Variants in VAV2 observed in about 807,000 individuals in gnomAD.
VAV2 encodes the protein vav guanine nucleotide exchange factor 2, also known as guanine nucleotide exchange factor VAV2.
Under a neutral mutation model 132.5 loss-of-function variants are expected in VAV2, and 67 were observed. The ratio of observed to expected loss-of-function variants is 0.51; its 90% CI spans 0.42 to 0.62. VAV2 has a LOEUF of 0.62. Ranked by LOEUF, VAV2 falls within the 20% of genes least tolerant of loss-of-function variation. The pLI is 0.00. For missense variants in VAV2, 938 were observed against 1,153.6 expected, an observed-to-expected ratio of 0.81 and a Z score of 2.71; for synonymous variants, 492 against 443.5, an observed-to-expected ratio of 1.11 and a Z score of -1.37.
intron 4 of VAV2, among the ~76,000 whole-genome samples, chr9:133,815,012 G>A (rs1278236710): frequency 2.0e-5 from 3 of 152,282 alleles, no homozygotes; most frequent in Non-Finnish European, 2.9e-5. Context: ...TACAGGATAC[G>A]ATCCACTGAT....
chr9:133,788,518 C>G lies in VAV2; in HGVS notation c.1275-32G>C. On this transcript the variant is annotated intron_variant, in intron 14 of 29. Transcript: ENST00000371850. The surrounding 1 kb of genome is among the most constrained non-coding windows in gnomAD (Gnocchi z 5.3). ...CAGGCAGCGCAGCGGGGGATCAGCA[C>G]CCCAGCACTGTGTGCTCTGCTCCGA... 1 of 1,588,882 alleles carries G rather than the reference C, an allele frequency of 6.3e-7. No individual in the cohort carries two copies. Among genetic ancestry groups the G allele is most frequent in the Non-Finnish European group, 8.6e-7 (1 of 1,159,858 alleles).
chr9:133,920,071 C>T (rs1294583026), intron 2 of VAV2, among the ~76,000 whole-genome samples: 1 of 152,200 alleles, frequency 6.6e-6, no homozygotes, highest in African/African-American at 2.4e-5. Context: ...GGGGAACTGA[C>T]AGGTACTCCC....
At chr9:133,985,352 G>A (rs561483086) in intron 1 of VAV2, among the ~76,000 whole-genome samples, 33 of 151,842 alleles carry the variant, frequency 2.2e-4, no homozygotes, top group Non-Finnish European at 4.3e-4. Context: ...CACAATCTCC[G>A]CTCACTGCAA....
chr9:133,936,206 C>T (rs1432564584), intron 2 of VAV2, among the ~76,000 whole-genome samples: 1 of 151,742 alleles, frequency 6.6e-6, no homozygotes, highest in African/African-American at 2.4e-5. Context: ...TGTGCTCAGC[C>T]ACCTGCTCTG....
At chr9:133,861,051 C>G (rs1338363347) in intron 3 of VAV2, among the ~76,000 whole-genome samples, 1 of 152,238 alleles carries the variant, frequency 6.6e-6, no homozygotes, top group Non-Finnish European at 1.5e-5. Context: ...GGCACAGCCC[C>G]CGGTTCTGAT....
intron 1 of VAV2, among the ~76,000 whole-genome samples, chr9:133,981,303 A>AC (rs1842685030): frequency 6.6e-6 from 1 of 151,484 alleles, no homozygotes; most frequent in African/African-American, 2.4e-5. Flanking sequence ...CCACGACCAC[A>AC]CCCCCCACTA....
chr9:133,967,572 T>C (rs1477195250), intron 1 of VAV2, among the ~76,000 whole-genome samples: 1 of 152,136 alleles, frequency 6.6e-6, no homozygotes, highest in Non-Finnish European at 1.5e-5. Context: ...TAAAATCCTG[T>C]CATTGCAGCA....
intron 25 of VAV2, among the ~76,000 whole-genome samples, chr9:133,773,872 C>A (rs1040120391): frequency 6.6e-6 from 1 of 152,178 alleles, no homozygotes; most frequent in African/African-American, 2.4e-5. Flanking sequence ...TTGTCCTATG[C>A]TTCTATATGA....
At chr9:133,838,747 A>G in intron 3 of VAV2, among the ~76,000 whole-genome samples, 2 of 140,098 alleles carry the variant, frequency 1.4e-5, no homozygotes, top group East Asian at 2.3e-4. Flanking sequence ...GGGTGGGTGG[A>G]TGAATGGATG....
intron 3 of VAV2, among the ~76,000 whole-genome samples, chr9:133,859,644 CAA>C (rs373814519): frequency 6.9e-6 from 1 of 145,138 alleles, no homozygotes; most frequent in Admixed American, 6.9e-5. Context: ...CAAAACAAAA[CAA>C]AAAAAAAACA....
chr9:133,906,161 G>A (rs1035062626), intron 2 of VAV2, among the ~76,000 whole-genome samples: 1 of 152,218 alleles, frequency 6.6e-6, no homozygotes. Context: ...AGCTACAGGT[G>A]CTGGCCCCTC....
chr9:133,893,022 G>A (rs1445045799), intron 2 of VAV2, among the ~76,000 whole-genome samples: 2 of 152,230 alleles, frequency 1.3e-5, no homozygotes, highest in Admixed American at 6.5e-5. Flanking sequence ...TTTGCTGGGC[G>A]GTGAGGGGCC....
At chr9:133,803,010 T>G (rs781021959) in intron 9 of VAV2, among the ~76,000 whole-genome samples, 1 of 152,276 alleles carries the variant, frequency 6.6e-6, no homozygotes, top group South Asian at 2.1e-4. Flanking sequence ...CAACCCCTAC[T>G]GGGGTTTTTG....
At chr9:133,775,993 C>A (rs1319684411) in intron 24 of VAV2, 35 bp downstream of exon 24, 2 of 1,579,352 alleles carry the variant, frequency 1.3e-6, no homozygotes, top group Non-Finnish European at 1.7e-6. Context: ...AAGAGGCCAC[C>A]AGATGCCCAT....
At chr9:133,984,907 C>CAAAA (rs35866348) in intron 1 of VAV2, among the ~76,000 whole-genome samples, 2 of 128,808 alleles carry the variant, frequency 1.6e-5, no homozygotes, top group African/African-American at 3.0e-5. Flanking sequence ...GGCCCTATCT[C>CAAAA]AAAAAAAAAA....
chr9:133,803,391 C>T (rs1482137554), intron 9 of VAV2, among the ~76,000 whole-genome samples: 2 of 151,974 alleles, frequency 1.3e-5, no homozygotes, highest in South Asian at 4.2e-4. Flanking sequence ...CGTATGCCCC[C>T]ACTCCCCGCA....
chr9:133,893,145 G>A (rs1254010698), intron 2 of VAV2, among the ~76,000 whole-genome samples: 1 of 152,150 alleles, frequency 6.6e-6, no homozygotes, highest in African/African-American at 2.4e-5. Flanking sequence ...GACAGCCTGA[G>A]TCCCACCTCC....
chr9:133,826,727 A>C lies in VAV2; in HGVS notation c.449+7545T>G, dbSNP rs1006109522. On this transcript the variant is annotated intron_variant, in intron 4 of 29. Coordinates refer to ENST00000371850, the MANE Select transcript of VAV2 (RefSeq NM_001134398.2). The surrounding 1 kb of genome is among the most constrained non-coding windows in gnomAD (Gnocchi z 4.2). ...TTCCTTTGGCCTCTCTTCTGCCCTG[A>C]GTGGGAGCTTTCAAATTTCTCCCGT... Among the ~76,000 whole-genome samples, 2 of 152,074 alleles carry C rather than the reference A, an allele frequency of 1.3e-5. No individual in the cohort carries two copies. Among genetic ancestry groups the C allele is most frequent in the African/African-American group, 4.8e-5 (2 of 41,394 alleles).
At chr9:133,817,427 T>C (rs527379961) in intron 4 of VAV2, among the ~76,000 whole-genome samples, 69 of 151,978 alleles carry the variant, frequency 4.5e-4, no homozygotes, top group African/African-American at 1.5e-3. Context: ...CCGAGGTGGG[T>C]GGATCACCTG....
Sources: allele counts gnomAD v4.1 joint callset (sites outside exome capture counted in the v4.1 genomes callset), GRCh38; gene constraint gnomAD v4.1.1; non-coding constraint Gnocchi (gnomAD v3.1); transcripts MANE v1.5; gene names NCBI Gene and HGNC (gene_info 2026-07-23, HGNC 2026-07-21).